The following DPYD variants were observed in gnomAD, a reference collection of about 807,000 sequenced individuals.
DPYD encodes the protein dihydropyrimidine dehydrogenase.
Under a neutral mutation model 116.2 loss-of-function variants are expected in DPYD, and 109 were observed. The ratio of observed to expected loss-of-function variants is 0.94; its 90% CI spans 0.80 to 1.10. The LOEUF is 1.10. Among genes scored for constraint, DPYD ranks in the 50% least tolerant of loss-of-function variants. The pLI is 0.00. For synonymous variants in DPYD, 440 were observed against 432.0 expected, an observed-to-expected ratio of 1.02 and a Z score of -0.23; for missense variants, 1,302 against 1,254.5, an observed-to-expected ratio of 1.04 and a Z score of -0.57.
At chr1:97,265,821 T>G (rs1342013543) in intron 18 of DPYD, among the ~76,000 whole-genome samples, 1 of 152,150 alleles carries the variant, frequency 6.6e-6, no homozygotes, top group Admixed American at 6.5e-5. Context: ...TATCTACTCA[T>G]AAGTTAGAAA....
intron 14 of DPYD, 136 bp from the exon 15 acceptor site, chr1:97,382,597 A>T: frequency 4.0e-6 from 2 of 496,108 alleles, no homozygotes; most frequent in South Asian, 5.0e-5. Context: ...AAAATAAATC[A>T]TTAGAAAATA....
intron 8 of DPYD, among the ~76,000 whole-genome samples, chr1:97,667,453 C>A (rs547584020): frequency 5.3e-5 from 8 of 152,058 alleles, no homozygotes; most frequent in African/African-American, 1.4e-4. Context: ...ATTATCACTG[C>A]AAGTTTCTGT....
At chr1:97,577,760 T>G (rs1653361556) in intron 10 of DPYD, among the ~76,000 whole-genome samples, 2 of 152,306 alleles carry the variant, frequency 1.3e-5, no homozygotes, top group Non-Finnish European at 2.9e-5. Context: ...GGATTTACTT[T>G]CACTATTTAA....
chr1:97,235,387 G>T (rs888345083), intron 18 of DPYD, among the ~76,000 whole-genome samples: 23 of 152,182 alleles, frequency 1.5e-4, no homozygotes, highest in Non-Finnish European at 3.2e-4. Flanking sequence ...GGAGGCCGAG[G>T]TGGGTGGATC....
intron 20 of DPYD, among the ~76,000 whole-genome samples, chr1:97,131,277 A>C (rs1484116055): frequency 6.6e-6 from 1 of 152,154 alleles, no homozygotes; most frequent in Non-Finnish European, 1.5e-5. Flanking sequence ...ATTCTTAGTG[A>C]GTTATATTCC....
At chr1:97,270,155 G>T (rs1664486014) in intron 18 of DPYD, among the ~76,000 whole-genome samples, 1 of 152,032 alleles carries the variant, frequency 6.6e-6, no homozygotes, top group Admixed American at 6.6e-5. Context: ...GAAGAGAGGA[G>T]GCAAGAAAAG....
chr1:97,347,407 T>C (rs1669915289), intron 16 of DPYD, among the ~76,000 whole-genome samples: 1 of 152,064 alleles, frequency 6.6e-6, no homozygotes, highest in African/African-American at 2.4e-5. Flanking sequence ...TTTAACTTGT[T>C]AATATGATGA....
intron 18 of DPYD, among the ~76,000 whole-genome samples, chr1:97,265,225 T>G (rs1664154770): frequency 6.6e-6 from 1 of 152,152 alleles, no homozygotes; most frequent in South Asian, 2.1e-4. Context: ...TCCATATTAT[T>G]GCATGATTGG....
intron 20 of DPYD, among the ~76,000 whole-genome samples, chr1:97,147,431 C>G (rs1407765128): frequency 6.6e-6 from 1 of 152,142 alleles, no homozygotes; most frequent in African/African-American, 2.4e-5. Context: ...GCCTTGAATG[C>G]CAGATGAAAG....
chr1:97,834,999 C>T (rs983380771), intron 2 of DPYD, among the ~76,000 whole-genome samples: 5 of 151,740 alleles, frequency 3.3e-5, no homozygotes, highest in African/African-American at 7.3e-5. Flanking sequence ...TTGCTTTTCC[C>T]TTTGGTGTGT....
At chr1:97,899,587 G>A (rs992059205) in intron 1 of DPYD, among the ~76,000 whole-genome samples, 1 of 151,788 alleles carries the variant, frequency 6.6e-6, no homozygotes, top group African/African-American at 2.4e-5. Context: ...CTATTCCCTA[G>A]TGTCCCACCT....
chr1:97,448,815 G>A (rs1676234561), intron 14 of DPYD, among the ~76,000 whole-genome samples: 1 of 151,924 alleles, frequency 6.6e-6, no homozygotes, highest in South Asian at 2.1e-4. Context: ...GGTCACGATA[G>A]TTCCCTTCAC....
chr1:97,667,348 T>C (rs1659621790), intron 8 of DPYD, among the ~76,000 whole-genome samples: 1 of 152,170 alleles, frequency 6.6e-6, no homozygotes, highest in Non-Finnish European at 1.5e-5. Flanking sequence ...AAAATGTGAA[T>C]GCCATTTAAT....
chr1:97,704,884 T>A (rs1661831760), intron 5 of DPYD, among the ~76,000 whole-genome samples: 1 of 151,824 alleles, frequency 6.6e-6, no homozygotes, highest in African/African-American at 2.4e-5. Flanking sequence ...CAGAAGAGAG[T>A]GACTGAAGTA....
chr1:97,271,743 T>C (rs1373512522), intron 18 of DPYD, among the ~76,000 whole-genome samples: 1 of 152,164 alleles, frequency 6.6e-6, no homozygotes, highest in Non-Finnish European at 1.5e-5. Flanking sequence ...CATCCTCAAA[T>C]AGCTGCATTC....
chr1:97,788,730 A>G (rs1212791336), intron 3 of DPYD, among the ~76,000 whole-genome samples: 1 of 152,230 alleles, frequency 6.6e-6, no homozygotes, highest in Non-Finnish European at 1.5e-5. Flanking sequence ...AAGGACAGAA[A>G]GGCAATTCCC....
intron 16 of DPYD, among the ~76,000 whole-genome samples, chr1:97,334,647 G>C (rs1471213284): frequency 6.6e-6 from 1 of 152,166 alleles, no homozygotes; most frequent in Admixed American, 6.6e-5. Context: ...GTTGGCTTTG[G>C]ATCAACTAAG....
chr1:97,121,313 T>C (rs59510876), intron 20 of DPYD, among the ~76,000 whole-genome samples: 1 of 152,326 alleles, frequency 6.6e-6, no homozygotes, highest in African/African-American at 2.4e-5. Flanking sequence ...ATTAAAATTC[T>C]TCCCTGCCTC....
At chr1:97,822,089 T>C (rs1233042291) in intron 3 of DPYD, among the ~76,000 whole-genome samples, 1 of 151,462 alleles carries the variant, frequency 6.6e-6, no homozygotes, top group African/African-American at 2.4e-5. Flanking sequence ...ACAGAAAATA[T>C]AGAATGGAAA....
Sources: gnomAD v4.1 joint callset for allele counts (sites outside exome capture counted in the v4.1 genomes callset) on GRCh38, gnomAD v4.1.1 for gene constraint, MANE v1.5 for transcripts, NCBI Gene and HGNC (gene_info 2026-07-23, HGNC 2026-07-21) for gene names.